The following ABCC4 variants were observed in gnomAD, a reference collection of about 807,000 sequenced individuals.
ABCC4 encodes ATP binding cassette subfamily C member 4 (PEL blood group).
A neutral mutation model predicts 168.5 loss-of-function variants in ABCC4; 102 were observed. The observed-to-expected ratio is 0.61, with a 90% confidence interval of 0.52 to 0.71. The LOEUF is 0.71. Among genes scored for constraint, ABCC4 ranks in the 30% least tolerant of loss-of-function variants. The pLI is 0.00. For synonymous variants in ABCC4, 617 were observed against 590.7 expected (o/e 1.04, Z -0.65); for missense variants, 1,402 against 1,605.8 (o/e 0.87, Z 2.17).
intron 11 of ABCC4, 150 bp downstream of exon 11, chr13:95,186,551 G>C: frequency 3.3e-6 from 2 of 597,830 alleles, no homozygotes; most frequent in Non-Finnish European, 5.5e-6. Context: ...GAGCGTGTGT[G>C]TGTTTATTTA....
intron 1 of ABCC4, among the ~76,000 whole-genome samples, chr13:95,298,128 A>C (rs982225445): frequency 1.3e-5 from 2 of 151,990 alleles, no homozygotes; most frequent in African/African-American, 4.8e-5. Context: ...ATCTCTACCA[A>C]AAATACAAAA....
At chr13:95,249,723 C>G (rs1359330202) in intron 1 of ABCC4, among the ~76,000 whole-genome samples, 1 of 152,124 alleles carries the variant, frequency 6.6e-6, no homozygotes, top group Non-Finnish European at 1.5e-5. Flanking sequence ...GAACCTCATA[C>G]AGTATATTTC....
At chr13:95,168,110 C>T (rs1422047186) in intron 14 of ABCC4, among the ~76,000 whole-genome samples, 1 of 152,034 alleles carries the variant, frequency 6.6e-6, no homozygotes, top group African/African-American at 2.4e-5. Flanking sequence ...TCAAGTGATT[C>T]CCCCCGACAC....
chr13:95,215,909 C>CCAAA (rs2039097116), intron 4 of ABCC4, among the ~76,000 whole-genome samples: 1 of 60,770 alleles, frequency 1.6e-5, no homozygotes, highest in Non-Finnish European at 4.1e-5. Flanking sequence ...AAAATCAACA[C>CCAAA]CAAAGAAACA....
chr13:95,178,987 C>G (rs1270905245), intron 11 of ABCC4, among the ~76,000 whole-genome samples: 3 of 152,058 alleles, frequency 2.0e-5, no homozygotes, highest in Admixed American at 6.5e-5. Flanking sequence ...AACAGGGTTA[C>G]CATTTACTGA....
intron 21 of ABCC4, among the ~76,000 whole-genome samples, chr13:95,082,694 C>G (rs938409447): frequency 6.6e-6 from 1 of 152,132 alleles, no homozygotes; most frequent in African/African-American, 2.4e-5. Flanking sequence ...TTTCTCCATC[C>G]TTCTCATTTC....
intron 9 of ABCC4, among the ~76,000 whole-genome samples, chr13:95,192,386 A>G (rs1171502450): frequency 6.6e-6 from 1 of 152,058 alleles, no homozygotes; most frequent in African/African-American, 2.4e-5. Context: ...ACCCCAAGAC[A>G]AGGCCAGAAA....
intron 20 of ABCC4, among the ~76,000 whole-genome samples, chr13:95,090,802 G>T (rs1044269812): frequency 4.6e-5 from 7 of 152,144 alleles, no homozygotes; most frequent in Non-Finnish European, 8.8e-5. Flanking sequence ...ACCTGAAAAA[G>T]AATTTAGGAG....
At chr13:95,127,239 T>C (rs2035812421) in intron 19 of ABCC4, among the ~76,000 whole-genome samples, 1 of 152,128 alleles carries the variant, frequency 6.6e-6, no homozygotes, top group Non-Finnish European at 1.5e-5. Context: ...CTGTTCATCA[T>C]CGTCTTTTCG....
rs1407082783 is a variant in ABCC4 at position 95,197,928 on chromosome 13, G to GA, written c.1162-2992dup. Among the ~76,000 whole-genome samples the GA allele has an allele frequency of 3.9e-5, 6 of 152,064 alleles. No homozygotes were observed. In the East Asian group the frequency reaches 1.2e-3, roughly 29 times the overall value. ...ATAAAACCTTCATTTTCTGTACATG[G>GA]AAAAAAGGAAATTGAAAAGTATGAG... On this transcript the variant is annotated intron_variant, in intron 8 of 30. Transcript: ENST00000645237.
At chr13:95,290,626 A>G (rs1215771939) in intron 1 of ABCC4, among the ~76,000 whole-genome samples, 1 of 146,916 alleles carries the variant, frequency 6.8e-6, no homozygotes, top group East Asian at 2.1e-4. Context: ...AATCACTTGA[A>G]CCTGGGAGGC....
intron 19 of ABCC4, among the ~76,000 whole-genome samples, chr13:95,151,046 A>G (rs193120861): frequency 6.6e-6 from 1 of 152,372 alleles, no homozygotes; most frequent in Admixed American, 6.5e-5. Flanking sequence ...TGAATTATGA[A>G]GAAGACATAT....
intron 29 of ABCC4, among the ~76,000 whole-genome samples, chr13:95,035,584 C>A (rs1396743709): frequency 6.6e-6 from 1 of 152,214 alleles, no homozygotes; most frequent in Non-Finnish European, 1.5e-5. Flanking sequence ...AATCACCTTT[C>A]TTTGCTTCTT....
intron 30 of ABCC4, among the ~76,000 whole-genome samples, chr13:95,025,257 A>ACC (rs1566351122): frequency 9.5e-5 from 3 of 31,640 alleles, no homozygotes; most frequent in African/African-American, 1.3e-4. Flanking sequence ...CCACACACAC[A>ACC]CACACCCCCA....
At chr13:95,069,719 C>T (rs1249446919) in intron 25 of ABCC4, among the ~76,000 whole-genome samples, 1 of 152,206 alleles carries the variant, frequency 6.6e-6, no homozygotes, top group Admixed American at 6.5e-5. Context: ...CCTTAGGTGT[C>T]TGGCCTAATT....
intron 1 of ABCC4, among the ~76,000 whole-genome samples, chr13:95,292,344 G>A (rs2041423874): frequency 1.3e-5 from 2 of 152,168 alleles, no homozygotes; most frequent in South Asian, 2.1e-4. Flanking sequence ...GGGTGACAGA[G>A]TGACACCCTG....
chr13:95,175,457 C>A (rs1023040265), intron 13 of ABCC4, among the ~76,000 whole-genome samples: 1 of 152,078 alleles, frequency 6.6e-6, no homozygotes, highest in Non-Finnish European at 1.5e-5. Context: ...GGATTACAGG[C>A]ACCCGCCACC....
At chr13:95,127,349 G>C (rs946895879) in intron 19 of ABCC4, among the ~76,000 whole-genome samples, 6 of 152,064 alleles carry the variant, frequency 3.9e-5, no homozygotes, top group Admixed American at 6.6e-5. Flanking sequence ...GCAGTAGCCC[G>C]ATCTTGGCTC....
intron 30 of ABCC4, among the ~76,000 whole-genome samples, chr13:95,022,751 A>T (rs189564731): frequency 1.1e-3 from 170 of 152,356 alleles, no homozygotes; most frequent in Admixed American, 3.3e-3. Flanking sequence ...GGTGCTGTCA[A>T]CAAAGTTATC....
Sources: allele counts gnomAD v4.1 joint callset (sites outside exome capture counted in the v4.1 genomes callset), GRCh38; gene constraint gnomAD v4.1.1; transcripts MANE v1.5; gene names NCBI Gene and HGNC (gene_info 2026-07-23, HGNC 2026-07-21).